The following NRG3 variants were observed in gnomAD, a reference collection of about 807,000 sequenced individuals.
NRG3 encodes pro-neuregulin-3, membrane-bound isoform.
In NRG3, 31 loss-of-function variants were observed where a neutral mutation model predicts 66.9. The observed-to-expected ratio is 0.46, with a 90% CI of 0.35 to 0.63. The LOEUF (loss-of-function observed/expected upper bound fraction) is 0.63, where lower values mean the gene tolerates loss of function less well. Ranked by LOEUF, NRG3 falls within the 20% of genes least tolerant of loss-of-function variation. NRG3 has a pLI of 0.00. For missense variants in NRG3, 910 were observed against 878.9 expected, an observed-to-expected ratio of 1.04 and a Z score of -0.45; for synonymous variants, 393 against 359.4, an observed-to-expected ratio of 1.09 and a Z score of -1.06.
chr10:82,060,228 T>C (rs949361856), intron 1 of NRG3, among the ~76,000 whole-genome samples: 1 of 152,236 alleles, frequency 6.6e-6, no homozygotes, highest in Non-Finnish European at 1.5e-5. Context: ...GAGCATTTCC[T>C]TTATTGTCTT....
In NRG3 at chr10:82,721,123, C is replaced by CT. The variant is rs531541747; in HGVS notation, c.954-17428dup. Reference sequence around the variant, plus strand: ...ATTTATTTTGAAACAGAGTTTCACCCTTTTTTTTTTTTTTTTTTTTTTTTT... The same window carrying CT: ...ATTTATTTTGAAACAGAGTTTCACCCTTTTTTTTTTTTTTTTTTTTTTTTTT... On this transcript the variant is annotated intron_variant, in intron 2 of 8. Transcript: ENST00000372141. Among the ~76,000 whole-genome samples, 355 of 47,904 alleles carry CT rather than the reference C, an allele frequency of 7.4e-3. 98 individuals carry two copies. Among genetic ancestry groups the CT allele is most frequent in the Non-Finnish European group, 0.012 (324 of 28,024 alleles). The allele number at this position is 47,904 out of a possible 152,430, so 31.4% of individuals were successfully genotyped here.
At chr10:82,844,040 A>G (rs2063191690) in intron 3 of NRG3, among the ~76,000 whole-genome samples, 1 of 152,188 alleles carries the variant, frequency 6.6e-6, no homozygotes, top group Non-Finnish European at 1.5e-5. Context: ...AAATATATAT[A>G]AGAACACAAA....
intron 2 of NRG3, among the ~76,000 whole-genome samples, chr10:82,587,513 A>G (rs1322490129): frequency 2.6e-5 from 4 of 152,230 alleles, no homozygotes; most frequent in African/African-American, 9.7e-5. Flanking sequence ...GCATTAGACT[A>G]TCTGTAGTCT....
At chr10:81,879,671 T>C (rs1263666012) in intron 1 of NRG3, among the ~76,000 whole-genome samples, 1 of 152,244 alleles carries the variant, frequency 6.6e-6, no homozygotes, top group East Asian at 1.9e-4. Flanking sequence ...GTACATTTGA[T>C]GTTTAAGCAA....
intron 2 of NRG3, among the ~76,000 whole-genome samples, chr10:82,533,231 T>C (rs1847471694): frequency 6.6e-6 from 1 of 152,120 alleles, no homozygotes; most frequent in Non-Finnish European, 1.5e-5. Context: ...AATAATTTTC[T>C]CCCATTCTGT....
At chr10:82,378,029 T>C (rs2085366300) in intron 2 of NRG3, among the ~76,000 whole-genome samples, 1 of 152,304 alleles carries the variant, frequency 6.6e-6, no homozygotes, top group Admixed American at 6.5e-5. Flanking sequence ...GAAGGGGAAA[T>C]CTTGAGCTTT....
intron 3 of NRG3, among the ~76,000 whole-genome samples, chr10:82,738,936 C>A (rs1219816003): frequency 6.6e-6 from 1 of 152,172 alleles, no homozygotes; most frequent in Non-Finnish European, 1.5e-5. Context: ...CCACGTACCA[C>A]CTCATTTCAA....
intron 1 of NRG3, among the ~76,000 whole-genome samples, chr10:82,333,016 AT>A (rs2082212676): frequency 6.6e-6 from 1 of 152,198 alleles, no homozygotes; most frequent in Admixed American, 6.5e-5. Flanking sequence ...TTTGAACATA[AT>A]TTTTCATTTC....
At chr10:82,214,290 G>C (rs546062614) in intron 1 of NRG3, among the ~76,000 whole-genome samples, 1 of 152,244 alleles carries the variant, frequency 6.6e-6, no homozygotes, top group Admixed American at 6.5e-5. Context: ...TGGTCAAGAA[G>C]AAAGAGTAAC....
chr10:82,985,579 C>T lies in NRG3; in HGVS notation c.2065C>T (p.Gln689Ter). 1 of 1,612,906 alleles carries T rather than the reference C, an allele frequency of 6.2e-7. No individual in the cohort carries two copies. ...GCAATTTGTCTTAAGAAATGAAATA[C>T]AAAGAGACTCTGCATTGACCAAGTG... ...EAQFVLRNEI[Q>*]RDSALTK Residue 689 changes from glutamine to a stop codon, truncating the protein, a stop_gained, in exon 9 of 9, where the codon CAA (glutamine) becomes TAA (stop). Coordinates refer to ENST00000372141, the MANE Select transcript of NRG3 (RefSeq NM_001010848.4). LOFTEE classifies it high-confidence loss of function.
At chr10:82,767,693 C>T (rs1161552556) in intron 3 of NRG3, among the ~76,000 whole-genome samples, 4 of 152,016 alleles carry the variant, frequency 2.6e-5, no homozygotes, top group African/African-American at 9.6e-5. Context: ...TTCATATATT[C>T]CTAGTCTTTT....
At chr10:82,340,105 A>C in intron 1 of NRG3, among the ~76,000 whole-genome samples, 1 of 152,176 alleles carries the variant, frequency 6.6e-6, no homozygotes, top group South Asian at 2.1e-4. Flanking sequence ...TGATTTGCAG[A>C]CAAGATACTA....
At chr10:82,912,778 T>C (rs577640783) in intron 4 of NRG3, among the ~76,000 whole-genome samples, 2 of 152,184 alleles carry the variant, frequency 1.3e-5, no homozygotes, top group Non-Finnish European at 2.9e-5. Context: ...AATTAAGTAT[T>C]TTATATGATG....
chr10:82,707,979 G>T (rs571613701), intron 2 of NRG3, among the ~76,000 whole-genome samples: 16 of 151,582 alleles, frequency 1.1e-4, no homozygotes, highest in Non-Finnish European at 1.5e-4. Flanking sequence ...CCAGGATCAC[G>T]CCACTGCACT....
chr10:82,084,011 T>C (rs933585411), intron 1 of NRG3, among the ~76,000 whole-genome samples: 2 of 151,754 alleles, frequency 1.3e-5, no homozygotes, highest in Admixed American at 6.6e-5. Flanking sequence ...GCGGATTATC[T>C]GAGGTTGGGA....
At chr10:82,709,754 T>C (rs1241479764) in intron 2 of NRG3, among the ~76,000 whole-genome samples, 4 of 152,194 alleles carry the variant, frequency 2.6e-5, no homozygotes, top group Non-Finnish European at 4.4e-5. Flanking sequence ...CCCTGTTTCA[T>C]TGAATCACTT....
chr10:81,982,780 C>A (rs2060379360), intron 1 of NRG3, among the ~76,000 whole-genome samples: 2 of 152,208 alleles, frequency 1.3e-5, no homozygotes, highest in Admixed American at 1.3e-4. Context: ...TACTTAATCA[C>A]CTCTTTAGAG....
At chr10:82,708,661 A>G (rs1438699022) in intron 2 of NRG3, among the ~76,000 whole-genome samples, 1 of 152,102 alleles carries the variant, frequency 6.6e-6, no homozygotes, top group Admixed American at 6.6e-5. Flanking sequence ...TTTTATTTCT[A>G]TGATTTGTTT....
intron 2 of NRG3, among the ~76,000 whole-genome samples, chr10:82,682,360 TAGATGGA>T (rs1232844377): frequency 6.6e-6 from 1 of 151,680 alleles, no homozygotes; most frequent in Non-Finnish European, 1.5e-5. Context: ...AAAGATAAGA[TAGATGGA>T]TAGATAGATG....
Sources: gnomAD v4.1 joint callset for allele counts (sites outside exome capture counted in the v4.1 genomes callset) on GRCh38, gnomAD v4.1.1 for gene constraint, MANE v1.5 for transcripts, NCBI Gene and HGNC (gene_info 2026-07-23, HGNC 2026-07-21) for gene names.